EFCAB13: variants seen among roughly 807,000 people sequenced by gnomAD.
The protein encoded by EFCAB13 is EF-hand calcium-binding domain-containing protein 13.
A neutral mutation model predicts 110.2 loss-of-function variants in EFCAB13; 91 were observed. The observed-to-expected ratio is 0.83, with a 90% CI of 0.70 to 0.98. The LOEUF (loss-of-function observed/expected upper bound fraction) is 0.98. Among genes scored for constraint, EFCAB13 ranks in the 50% least tolerant of loss-of-function variants. The pLI, the probability that EFCAB13 is intolerant of heterozygous loss-of-function variation, is 0.00. For synonymous variants in EFCAB13, 323 were observed against 369.9 expected, an observed-to-expected ratio of 0.87 and a Z score of 1.45; for missense variants, 968 against 1,119.4, an observed-to-expected ratio of 0.86 and a Z score of 1.93.
intron 5 of EFCAB13, among the ~76,000 whole-genome samples, chr17:47,336,603 T>C (rs1255562301): frequency 1.3e-5 from 2 of 150,238 alleles, no homozygotes; most frequent in African/African-American, 4.9e-5. Context: ...TTTTTTTTTT[T>C]TTTTTTTTTG....
intron 9 of EFCAB13, among the ~76,000 whole-genome samples, chr17:47,356,426 C>T (rs1816466166): frequency 6.6e-6 from 1 of 152,082 alleles, no homozygotes; most frequent in Non-Finnish European, 1.5e-5. Flanking sequence ...TAGGGGCTTC[C>T]TGAGACATAG....
intron 24 of EFCAB13, among the ~76,000 whole-genome samples, chr17:47,437,745 A>G (rs889815262): frequency 6.6e-6 from 1 of 152,212 alleles, no homozygotes; most frequent in African/African-American, 2.4e-5. Context: ...TGGAGCATTT[A>G]GGCCTTTGAC....
chr17:47,395,859 C>T lies in EFCAB13; in HGVS notation c.1827C>T (p.Leu609=), dbSNP rs147065442. 80 of 1,608,634 alleles carry T rather than the reference C, an allele frequency of 5.0e-5. No individual in the cohort carries two copies. The African/African-American group carries it at 9.2e-4, about 19-fold the overall frequency. ...KLVLPDAIET[L]DDLRKETMSV... ...TATTGCCTGATGCTATTGAAACCCT[C>T]GACGATCTCAGAAAGGAGACGATGA... The change falls in exon 17 of 25, where the codon CTC becomes CTT. Residue 609 remains leucine (L), a synonymous_variant. Transcript: ENST00000331493.
intron 23 of EFCAB13, among the ~76,000 whole-genome samples, chr17:47,420,512 T>G (rs1346068590): frequency 5.8e-5 from 8 of 138,326 alleles, no homozygotes; most frequent in African/African-American, 1.4e-4. Context: ...GAGCGCCTCT[T>G]CCCGGCCGCC....
intron 20 of EFCAB13, among the ~76,000 whole-genome samples, chr17:47,405,755 CTG>C (rs1458218885): frequency 6.6e-6 from 1 of 151,348 alleles, no homozygotes; most frequent in Non-Finnish European, 1.5e-5. Flanking sequence ...TCTATTATCT[CTG>C]TTTTTAAAGT....
At chr17:47,378,975 G>T (rs1161680917) in intron 13 of EFCAB13, among the ~76,000 whole-genome samples, 1 of 152,048 alleles carries the variant, frequency 6.6e-6, no homozygotes, top group Non-Finnish European at 1.5e-5. Context: ...TCGGTGCCTA[G>T]CATGGTTCTT....
chr17:47,414,662 A>G (rs981421620), intron 22 of EFCAB13, among the ~76,000 whole-genome samples, 186 bp from the exon 23 acceptor site: 2 of 152,230 alleles, frequency 1.3e-5, no homozygotes, highest in Non-Finnish European at 2.9e-5. Context: ...TGCTAGTAAT[A>G]TTATTAACTA....
intron 15 of EFCAB13, 69 bp from the exon 16 acceptor site, chr17:47,393,956 T>C (rs2065723553): frequency 1.2e-6 from 1 of 805,396 alleles, no homozygotes; most frequent in East Asian, 3.0e-5. Context: ...TAACGTATTT[T>C]ATATAATTCA....
intron 4 of EFCAB13, chr17:47,329,799 T>C (rs1040333615): frequency 6.6e-6 from 1 of 152,134 alleles, no homozygotes; most frequent in Non-Finnish European, 1.5e-5. Flanking sequence ...CCCTCAGCTT[T>C]CTATTTTGGG....
intron 24 of EFCAB13, among the ~76,000 whole-genome samples, chr17:47,436,667 C>G (rs972682027): frequency 2.0e-4 from 31 of 151,718 alleles, no homozygotes; most frequent in African/African-American, 7.5e-4. Flanking sequence ...CTCTTCTTTT[C>G]TTGGTTAATC....
chr17:47,380,877 C>CT (rs1207272325), intron 14 of EFCAB13, among the ~76,000 whole-genome samples: 1 of 133,078 alleles, frequency 7.5e-6, no homozygotes, highest in Non-Finnish European at 1.6e-5. Flanking sequence ...TAAATTGCTT[C>CT]TTCTTTTTTT....
intron 23 of EFCAB13, among the ~76,000 whole-genome samples, chr17:47,421,101 G>A (rs1904686655): frequency 6.6e-6 from 1 of 152,000 alleles, no homozygotes; most frequent in Non-Finnish European, 1.5e-5. Context: ...CTACTGGGAA[G>A]TGAGGAGCCC....
chr17:47,359,950 T>C (rs2065503527), intron 9 of EFCAB13, among the ~76,000 whole-genome samples: 2 of 151,868 alleles, frequency 1.3e-5, no homozygotes, highest in Admixed American at 6.6e-5. Flanking sequence ...ACAAAGGACA[T>C]GAACTCATCA....
chr17:47,430,811 T>A (rs1221636167), intron 24 of EFCAB13: 1 of 152,104 alleles, frequency 6.6e-6, no homozygotes, highest in Non-Finnish European at 1.5e-5. Flanking sequence ...ATTTTATTAA[T>A]CTTTTAAAAA....
At chr17:47,415,563 A>G (rs1462124427) in intron 23 of EFCAB13, among the ~76,000 whole-genome samples, 2 of 152,166 alleles carry the variant, frequency 1.3e-5, no homozygotes, top group Admixed American at 6.5e-5. Context: ...TAAAAAGATT[A>G]ATATGTGCAA....
chr17:47,406,703 A>G (rs1322010510), intron 20 of EFCAB13, among the ~76,000 whole-genome samples: 1 of 152,188 alleles, frequency 6.6e-6, no homozygotes, highest in East Asian at 1.9e-4. Flanking sequence ...GAACTAGAAC[A>G]TTATTCCACA....
At chr17:47,356,578 T>A (rs1397649627) in intron 9 of EFCAB13, among the ~76,000 whole-genome samples, 1 of 152,222 alleles carries the variant, frequency 6.6e-6, no homozygotes, top group African/African-American at 2.4e-5. Flanking sequence ...GTATTCCATC[T>A]TCAGGTCTCT....
intron 9 of EFCAB13, among the ~76,000 whole-genome samples, chr17:47,359,362 A>G (rs1258949623): frequency 3.3e-5 from 5 of 152,264 alleles, no homozygotes; most frequent in Admixed American, 3.3e-4. Context: ...AATTAAAAAA[A>G]AGACTAATCG....
chr17:47,387,056 G>A (rs1342596738), intron 14 of EFCAB13, among the ~76,000 whole-genome samples: 2 of 152,138 alleles, frequency 1.3e-5, no homozygotes, highest in African/African-American at 4.8e-5. Flanking sequence ...GTCTTGCTGG[G>A]AGCTGCAGAC....
Sources: allele counts gnomAD v4.1 joint callset (sites outside exome capture counted in the v4.1 genomes callset), GRCh38; gene constraint gnomAD v4.1.1; transcripts MANE v1.5; gene names NCBI Gene and HGNC (gene_info 2026-07-23, HGNC 2026-07-21).